The following RBFOX1 variants were observed in gnomAD, a reference collection of about 807,000 sequenced individuals.
The protein encoded by RBFOX1 is RNA binding fox-1 homolog 1.
Under a neutral mutation model 57.7 loss-of-function variants are expected in RBFOX1, and 8 were observed. The observed-to-expected ratio is 0.14, with a 90% CI of 0.08 to 0.25. The LOEUF (loss-of-function observed/expected upper bound fraction) is 0.25, where lower values mean the gene tolerates loss of function less well. Ranked by LOEUF, RBFOX1 falls within the 10% of genes least tolerant of loss-of-function variation. The pLI is 1.00. For synonymous variants in RBFOX1, 326 were observed against 222.4 expected (o/e 1.47, Z -4.15); for missense variants, 611 against 548.5 (o/e 1.11, Z -1.14).
At chr16:6,976,414 G>A (rs562998008) in intron 3 of RBFOX1, among the ~76,000 whole-genome samples, 1 of 152,152 alleles carries the variant, frequency 6.6e-6, no homozygotes, top group Non-Finnish European at 1.5e-5. Flanking sequence ...TTCCAGAGGC[G>A]AGCATGTTTT....
At chr16:6,203,976 G>GT (rs1211984633) in intron 1 of RBFOX1, among the ~76,000 whole-genome samples, 2 of 117,442 alleles carry the variant, frequency 1.7e-5, no homozygotes, top group African/African-American at 6.1e-5. Context: ...GTTCTGTTTT[G>GT]TTTCTTTTTT....
At chr16:6,495,369 C>T (rs1297542980) in intron 2 of RBFOX1, among the ~76,000 whole-genome samples, 2 of 151,714 alleles carry the variant, frequency 1.3e-5, no homozygotes, top group Admixed American at 6.6e-5. Context: ...TCCACCGCCC[C>T]CCGCCCCCGC....
At chr16:6,935,602 T>C (rs555974791) in intron 3 of RBFOX1, among the ~76,000 whole-genome samples, 1 of 152,212 alleles carries the variant, frequency 6.6e-6, no homozygotes, top group African/African-American at 2.4e-5. Flanking sequence ...CCTATCCCCA[T>C]TGTGCATGTA....
chr16:5,632,837 C>T (rs561388257), intron 3 of RBFOX1, among the ~76,000 whole-genome samples: 3 of 152,070 alleles, frequency 2.0e-5, no homozygotes, highest in Non-Finnish European at 4.4e-5. Context: ...GGGAGAACTG[C>T]AGCACACAGA....
In RBFOX1 at chr16:7,281,020, C is replaced by CTTCCTTTT. The variant is rs1421580499; in HGVS notation, c.27+228922_27+228923insTTCCTTTT. On this transcript the variant is annotated intron_variant, in intron 4 of 15. Transcript: ENST00000550418. Reference sequence around the variant, plus strand: ...CCTTCCTTCCTTCCTTCCTTCCTTCCGAGACAGAGTGAGTCTCCTTCACCC... The same window carrying CTTCCTTTT: ...CCTTCCTTCCTTCCTTCCTTCCTTCCTTCCTTTTGAGACAGAGTGAGTCTCCTTCACCC... 8.6e-4 allele frequency among the ~76,000 whole-genome samples: 99 copies of CTTCCTTTT among 114,754 alleles called. 4 individuals carry two copies. In the South Asian group the frequency reaches 0.018, roughly 21 times the overall value. 75.3% of individuals were successfully genotyped at this position (114,754 alleles called of 152,430 possible).
At chr16:6,528,915 A>G (rs1392373207) in intron 2 of RBFOX1, among the ~76,000 whole-genome samples, 3 of 152,190 alleles carry the variant, frequency 2.0e-5, no homozygotes, top group Non-Finnish European at 2.9e-5. Flanking sequence ...GGGCCAGAGG[A>G]ATATTTATTA....
chr16:7,222,286 A>G (rs1196082510), intron 4 of RBFOX1, among the ~76,000 whole-genome samples: 1 of 152,192 alleles, frequency 6.6e-6, no homozygotes, highest in Non-Finnish European at 1.5e-5. Flanking sequence ...GTAAGATATA[A>G]TACTACACTA....
intron 1 of RBFOX1, among the ~76,000 whole-genome samples, chr16:6,069,989 C>G (rs190729112): frequency 2.2e-4 from 34 of 152,216 alleles, no homozygotes; most frequent in Admixed American, 2.0e-3. Context: ...TCTGTCTCAA[C>G]AAATAAACAA....
At chr16:7,475,758 G>T (rs1049831401) in intron 4 of RBFOX1, among the ~76,000 whole-genome samples, 1 of 152,184 alleles carries the variant, frequency 6.6e-6, no homozygotes, top group African/African-American at 2.4e-5. Flanking sequence ...CCCCATATGA[G>T]AATTTGATTG....
intron 3 of RBFOX1, among the ~76,000 whole-genome samples, chr16:7,005,091 C>G (rs1403226315): frequency 6.6e-6 from 1 of 152,152 alleles, no homozygotes; most frequent in Non-Finnish European, 1.5e-5. Flanking sequence ...TTGCAGTCAG[C>G]TGAGATCGCG....
chr16:6,954,720 G>C (rs774535748), intron 3 of RBFOX1, among the ~76,000 whole-genome samples: 1 of 152,186 alleles, frequency 6.6e-6, no homozygotes, highest in East Asian at 1.9e-4. Context: ...AGCCATAGGT[G>C]AGGAGATGAG....
chr16:7,675,017 C>G (rs914741955), intron 13 of RBFOX1, among the ~76,000 whole-genome samples: 2 of 152,174 alleles, frequency 1.3e-5, no homozygotes, highest in East Asian at 1.9e-4. Flanking sequence ...GAAACACATT[C>G]ATACCACACA....
At chr16:6,690,275 T>G (rs1164849321) in intron 3 of RBFOX1, among the ~76,000 whole-genome samples, 1 of 152,118 alleles carries the variant, frequency 6.6e-6, no homozygotes, top group East Asian at 1.9e-4. Context: ...AATACTAGGA[T>G]GTGGAGAAAC....
intron 3 of RBFOX1, among the ~76,000 whole-genome samples, chr16:6,788,224 T>G (rs2082291715): frequency 6.6e-6 from 1 of 151,882 alleles, no homozygotes; most frequent in African/African-American, 2.4e-5. Context: ...CCATCTAAAA[T>G]AATAATAATA....
chr16:7,470,252 C>G (rs7205345), intron 4 of RBFOX1, among the ~76,000 whole-genome samples: 73,293 of 152,066 alleles, frequency 0.48, 17,832 homozygotes, highest in Middle Eastern at 0.61. Context: ...GTGTCTGCCT[C>G]TCACACTAGA....
At chr16:6,180,313 C>T (rs1483364727) in intron 1 of RBFOX1, among the ~76,000 whole-genome samples, 1 of 151,852 alleles carries the variant, frequency 6.6e-6, no homozygotes, top group East Asian at 1.9e-4. Context: ...TTGGTATAGG[C>T]TTATTCAGAT....
intron 1 of RBFOX1, among the ~76,000 whole-genome samples, chr16:6,260,426 A>T (rs944132214): frequency 2.0e-5 from 3 of 152,258 alleles, no homozygotes; most frequent in Admixed American, 6.5e-5. Context: ...AGTGGGCCAG[A>T]TTGGGAAGGA....
chr16:5,435,870 T>A (rs1457840195), intron 1 of RBFOX1, among the ~76,000 whole-genome samples: 1 of 152,242 alleles, frequency 6.6e-6, no homozygotes, highest in Non-Finnish European at 1.5e-5. Flanking sequence ...TGTGGTTGTT[T>A]CTGTTATTTT....
chr16:7,248,731 A>G (rs2094402629), intron 4 of RBFOX1, among the ~76,000 whole-genome samples: 1 of 152,204 alleles, frequency 6.6e-6, no homozygotes, highest in African/African-American at 2.4e-5. Context: ...TCCAGAGATA[A>G]TGTGAATTAG....
Sources: allele counts gnomAD v4.1 joint callset (sites outside exome capture counted in the v4.1 genomes callset), GRCh38; gene constraint gnomAD v4.1.1; transcripts MANE v1.5; gene names NCBI Gene and HGNC (gene_info 2026-07-23, HGNC 2026-07-21).